The following MCHR2 variants were observed in gnomAD, a reference collection of about 807,000 sequenced individuals.
The protein encoded by MCHR2 is melanin-concentrating hormone receptor 2.
Under a neutral mutation model 24.8 loss-of-function variants are expected in MCHR2, and 15 were observed. That is an observed-to-expected ratio of 0.60 (90% CI 0.40 to 0.93). MCHR2 has a LOEUF of 0.93. MCHR2 is among the 40% of genes least tolerant of loss of function. The pLI is 0.00. For missense variants in MCHR2, 386 were observed against 408.7 expected (o/e 0.94, Z 0.48); for synonymous variants, 151 against 147.6 (o/e 1.02, Z -0.17).
chr6:99,982,781 C>G (rs183690911), intron 1 of MCHR2, among the ~76,000 whole-genome samples: 97 of 152,186 alleles, frequency 6.4e-4, no homozygotes, highest in Non-Finnish European at 1.2e-3. Flanking sequence ...AGCACTCAAA[C>G]ATTAGATGTT....
chr6:99,950,240 A>C (rs1774942310), intron 2 of MCHR2, among the ~76,000 whole-genome samples: 1 of 152,130 alleles, frequency 6.6e-6, no homozygotes, highest in African/African-American at 2.4e-5. Flanking sequence ...TATGAATAAC[A>C]CATTATATTT....
rs532338929 is a variant in MCHR2 at position 99,978,659 on chromosome 6, C to G, written c.-28+15277G>C. ...GATCTCGATCTCGTGACCTCGTGATCTGCCCACCTCGGCCTCCCAAAGTGC... is the reference window on the plus strand; with the variant it reads ...GATCTCGATCTCGTGACCTCGTGATGTGCCCACCTCGGCCTCCCAAAGTGC... On this transcript the variant is annotated intron_variant, in intron 1 of 5. Transcript: ENST00000281806. Among the ~76,000 whole-genome samples, 628 of 152,216 alleles carry G rather than the reference C, an allele frequency of 4.1e-3. 5 individuals are homozygous for G. Among genetic ancestry groups the G allele is most frequent in the African/African-American group, 0.014 (591 of 41,536 alleles).
In MCHR2 at chr6:99,970,253, A is replaced by T. The variant is rs1242953834; in HGVS notation, c.-27-14079T>A. ...CCTGACTTTTTAATGATGGCCATTC[A>T]AACTGGTGTGAGATGGTATCTCATT... On this transcript the variant is annotated intron_variant, in intron 1 of 5. Transcript: ENST00000281806. 7.1e-4 allele frequency among the ~76,000 whole-genome samples: 108 copies of T among 152,052 alleles called. 1 individual carries two copies. Among genetic ancestry groups the T allele is most frequent in the African/African-American group, 2.4e-3 (101 of 41,466 alleles).
At chr6:99,923,388 C>G (rs927671136) in intron 5 of MCHR2, among the ~76,000 whole-genome samples, 3 of 152,072 alleles carry the variant, frequency 2.0e-5, no homozygotes, top group Non-Finnish European at 1.5e-5. Flanking sequence ...TTATTTCTTT[C>G]TTTTGTCTGA....
At chr6:99,968,804 C>T (rs1775340826) in intron 1 of MCHR2, among the ~76,000 whole-genome samples, 1 of 151,740 alleles carries the variant, frequency 6.6e-6, no homozygotes, top group Non-Finnish European at 1.5e-5. Context: ...ATAACAAAAT[C>T]AAACTAGAAA....
At chr6:99,922,452 G>C (rs1774258659) in intron 5 of MCHR2, among the ~76,000 whole-genome samples, 1 of 152,118 alleles carries the variant, frequency 6.6e-6, no homozygotes, top group African/African-American at 2.4e-5. Flanking sequence ...TGTGGAGTAA[G>C]AAATTTTGCC....
At chr6:99,933,059 CAT>C (rs1774579742) in intron 5 of MCHR2, among the ~76,000 whole-genome samples, 1 of 150,626 alleles carries the variant, frequency 6.6e-6, no homozygotes, top group Admixed American at 6.7e-5. Context: ...TAAAATAAAA[CAT>C]ATTTTAAAAT....
At chr6:99,931,709 G>T (rs1163557916) in intron 5 of MCHR2, among the ~76,000 whole-genome samples, 1 of 152,114 alleles carries the variant, frequency 6.6e-6, no homozygotes, top group East Asian at 1.9e-4. Context: ...TATTAGGGTG[G>T]GAGTGACCCG....
chr6:99,980,216 C>T (rs1278246680), intron 1 of MCHR2, among the ~76,000 whole-genome samples: 2 of 152,192 alleles, frequency 1.3e-5, no homozygotes, highest in African/African-American at 4.8e-5. Context: ...CTCAGGTACA[C>T]ATATAAATTT....
At chr6:99,926,386 T>C (rs1774358653) in intron 5 of MCHR2, among the ~76,000 whole-genome samples, 1 of 152,188 alleles carries the variant, frequency 6.6e-6, no homozygotes, top group Non-Finnish European at 1.5e-5. Context: ...TATTTCTAGT[T>C]GTAGATCCCT....
At chr6:99,974,043 G>C (rs1256851320) in intron 1 of MCHR2, among the ~76,000 whole-genome samples, 1 of 152,096 alleles carries the variant, frequency 6.6e-6, no homozygotes, top group African/African-American at 2.4e-5. Context: ...GTGTCTTGGA[G>C]TTGCTCTTCT....
At chr6:99,983,712 C>T (rs911432145) in intron 1 of MCHR2, among the ~76,000 whole-genome samples, 1 of 144,380 alleles carries the variant, frequency 6.9e-6, no homozygotes, top group African/African-American at 2.5e-5. Context: ...ACTTCCTTGA[C>T]ATGATGCTCA....
intron 4 of MCHR2, among the ~76,000 whole-genome samples, chr6:99,936,621 C>A (rs1774666517): frequency 6.6e-6 from 1 of 151,886 alleles, no homozygotes; most frequent in Non-Finnish European, 1.5e-5. Context: ...AGTCGGGTAG[C>A]ATGATGCCTC....
At chr6:99,948,031 T>G in intron 2 of MCHR2, 60 bp from the exon 3 acceptor site, 1 of 1,409,442 alleles carries the variant, frequency 7.1e-7, no homozygotes, top group Non-Finnish European at 9.8e-7. Flanking sequence ...ATTCGATATA[T>G]GCTACCTCAT....
chr6:99,931,643 T>C (rs1278737804), intron 5 of MCHR2, among the ~76,000 whole-genome samples: 1 of 152,124 alleles, frequency 6.6e-6, no homozygotes, highest in African/African-American at 2.4e-5. Flanking sequence ...CCCTGAGCCA[T>C]GTGCAGGATA....
At chr6:99,948,951 A>C (rs906533670) in intron 2 of MCHR2, among the ~76,000 whole-genome samples, 15 of 152,150 alleles carry the variant, frequency 9.9e-5, no homozygotes, top group African/African-American at 3.1e-4. Context: ...TGGCACTGAG[A>C]ATGATCTCAT....
At chr6:99,923,990 A>T (rs1012423364) in intron 5 of MCHR2, among the ~76,000 whole-genome samples, 6 of 152,006 alleles carry the variant, frequency 3.9e-5, no homozygotes, top group African/African-American at 1.4e-4. Flanking sequence ...TAGAATTTGT[A>T]TTAGCTTTTT....
intron 1 of MCHR2, among the ~76,000 whole-genome samples, chr6:99,989,959 C>T (rs1233781163): frequency 6.6e-6 from 1 of 151,986 alleles, no homozygotes; most frequent in East Asian, 1.9e-4. Context: ...AAAAAATTCA[C>T]CTAGATTTTT....
chr6:99,974,178 C>T (rs1162529323), intron 1 of MCHR2, among the ~76,000 whole-genome samples: 2 of 152,214 alleles, frequency 1.3e-5, no homozygotes, highest in Non-Finnish European at 2.9e-5. Flanking sequence ...TCCATTCTCC[C>T]CATCACTTTC....
Sources: allele counts gnomAD v4.1 joint callset (sites outside exome capture counted in the v4.1 genomes callset), GRCh38; gene constraint gnomAD v4.1.1; transcripts MANE v1.5; gene names NCBI Gene and HGNC (gene_info 2026-07-23, HGNC 2026-07-21).